The following NXPE4 variants were observed in gnomAD, a reference collection of about 807,000 sequenced individuals.
NXPE4 encodes neurexophilin and PC-esterase domain family member 4.
NXPE4 carries 42 observed loss-of-function variants against 33.3 expected under a neutral mutation model. The observed-to-expected ratio is 1.26, with a 90% CI of 0.98 to 1.63. NXPE4 has a LOEUF of 1.63. NXPE4 is among the 40% of genes most tolerant of loss of function. The pLI, the probability that NXPE4 is intolerant of heterozygous loss-of-function variation, is 0.00. For synonymous variants in NXPE4, 253 were observed against 234.9 expected (o/e 1.08, Z -0.71); for missense variants, 709 against 647.6 (o/e 1.09, Z -1.03).
At chr11:114,657,487 T>C in the NXPE4 span, among the ~76,000 whole-genome samples, 2 of 152,150 alleles carry the variant, frequency 1.3e-5, no homozygotes, top group Non-Finnish European at 2.9e-5. Flanking sequence ...ATGCTACAAT[T>C]TTTGCAGGTA....
the NXPE4 span, among the ~76,000 whole-genome samples, chr11:114,648,445 C>G: frequency 6.6e-6 from 1 of 152,168 alleles, no homozygotes; most frequent in Non-Finnish European, 1.5e-5. Flanking sequence ...TCTATTCAGG[C>G]TTTCACAAAT....
chr11:114,571,495 C>A lies in NXPE4; in HGVS notation c.1100-22G>T, dbSNP rs7936112. On this transcript the variant is annotated intron_variant, in intron 5 of 5. Coordinates refer to ENST00000375478, the MANE Select transcript of NXPE4 (RefSeq NM_001077639.2). ...AGTGCTGATAACAAATAGGCAATCC[C>A]AAAATAAAAGGAGGATATAGTTACC... is the stretch of plus-strand genomic sequence containing the variant. 4.1e-3 allele frequency: 6,370 copies of A among 1,559,018 alleles called. 232 individuals carry two copies. In the African/African-American group the frequency reaches 0.076, roughly 19 times the overall value.
chr11:114,611,676 C>T, the NXPE4 span, among the ~76,000 whole-genome samples: 28 of 151,966 alleles, frequency 1.8e-4, no homozygotes, highest in East Asian at 3.5e-3. Context: ...CGTGTTGCCT[C>T]GTGGGTAACC....
the NXPE4 span, among the ~76,000 whole-genome samples, chr11:114,633,907 G>C: frequency 2.6e-5 from 4 of 151,728 alleles, no homozygotes; most frequent in African/African-American, 9.7e-5. Context: ...ATTGTGAGTA[G>C]TGCCACAATA....
the NXPE4 span, among the ~76,000 whole-genome samples, chr11:114,661,391 G>A: frequency 2.0e-5 from 3 of 152,154 alleles, no homozygotes; most frequent in African/African-American, 4.8e-5. Flanking sequence ...GTCAGGCAAA[G>A]CAACTTTATT....
the NXPE4 span, among the ~76,000 whole-genome samples, chr11:114,666,645 T>C: frequency 6.6e-6 from 1 of 152,182 alleles, no homozygotes; most frequent in Non-Finnish European, 1.5e-5. Context: ...CTTAGTACTT[T>C]GGTTTTTTTA....
At chr11:114,625,109 T>G in the NXPE4 span, among the ~76,000 whole-genome samples, 2 of 152,090 alleles carry the variant, frequency 1.3e-5, no homozygotes, top group African/African-American at 4.8e-5. Context: ...TAATAAGTAT[T>G]GCCTCATGGG....
chr11:114,653,527 C>CT, the NXPE4 span, among the ~76,000 whole-genome samples: 1 of 133,720 alleles, frequency 7.5e-6, no homozygotes, highest in African/African-American at 2.7e-5. Context: ...CCTTGTCCTG[C>CT]TTTCCCTTTT....
chr11:114,671,086 TA>T, the NXPE4 span, among the ~76,000 whole-genome samples: 5 of 147,294 alleles, frequency 3.4e-5, no homozygotes, highest in Admixed American at 3.4e-4. Context: ...AATATATATA[TA>T]AATATATATA....
chr11:114,630,829 A>G, the NXPE4 span, among the ~76,000 whole-genome samples: 3 of 151,992 alleles, frequency 2.0e-5, no homozygotes, highest in Non-Finnish European at 4.4e-5. Context: ...ATTTACAAGA[A>G]AAAAACAAAC....
At chr11:114,624,255 G>A in the NXPE4 span, among the ~76,000 whole-genome samples, 14 of 149,020 alleles carry the variant, frequency 9.4e-5, no homozygotes, top group African/African-American at 2.5e-4. Flanking sequence ...ACTGTGACCC[G>A]GTGGATAATA....
the NXPE4 span, among the ~76,000 whole-genome samples, chr11:114,659,234 T>C: frequency 6.6e-6 from 1 of 152,120 alleles, no homozygotes; most frequent in African/African-American, 2.4e-5. Flanking sequence ...GTATGAGATG[T>C]ACAGAAAAGG....
chr11:114,602,814 C>CA, the NXPE4 span, among the ~76,000 whole-genome samples: 2 of 138,822 alleles, frequency 1.4e-5, no homozygotes, highest in African/African-American at 5.3e-5. Flanking sequence ...ATTACAGAAT[C>CA]ATATATAATA....
At chr11:114,640,237 T>C in the NXPE4 span, among the ~76,000 whole-genome samples, 1 of 141,140 alleles carries the variant, frequency 7.1e-6, no homozygotes, top group African/African-American at 2.6e-5. Flanking sequence ...ATATAAATTA[T>C]ATATTATAAA....
At chr11:114,667,205 G>T in the NXPE4 span, among the ~76,000 whole-genome samples, 1 of 152,124 alleles carries the variant, frequency 6.6e-6, no homozygotes, top group Non-Finnish European at 1.5e-5. Context: ...TGTTCTTTTA[G>T]AAATGAAGGT....
the NXPE4 span, among the ~76,000 whole-genome samples, chr11:114,669,403 C>T: frequency 6.6e-6 from 1 of 152,074 alleles, no homozygotes; most frequent in South Asian, 2.1e-4. Context: ...TTCATCTTCC[C>T]TGACTTGTCA....
the NXPE4 span, among the ~76,000 whole-genome samples, chr11:114,640,166 A>ATAAG: frequency 1.5e-5 from 1 of 64,754 alleles, no homozygotes; most frequent in East Asian, 3.8e-4. Flanking sequence ...AATAATATAT[A>ATAAG]TAAATAATTT....
the NXPE4 span, among the ~76,000 whole-genome samples, chr11:114,607,651 C>T: frequency 8.6e-5 from 13 of 151,788 alleles, no homozygotes; most frequent in Admixed American, 3.9e-4. Context: ...CGGTTAACCA[C>T]TCTTACACAG....
chr11:114,644,582 T>A, the NXPE4 span, among the ~76,000 whole-genome samples: 1 of 152,138 alleles, frequency 6.6e-6, no homozygotes, highest in Non-Finnish European at 1.5e-5. Context: ...AAATAAGATA[T>A]AAAATATTTT....
Sources: gnomAD v4.1 joint callset for allele counts (sites outside exome capture counted in the v4.1 genomes callset) on GRCh38, gnomAD v4.1.1 for gene constraint, MANE v1.5 for transcripts, NCBI Gene and HGNC (gene_info 2026-07-23, HGNC 2026-07-21) for gene names.